Variants in MED26 observed in about 807,000 individuals in gnomAD.
MED26 encodes the protein mediator complex subunit 26.
A neutral mutation model predicts 43.7 loss-of-function variants in MED26; 7 were observed. The ratio of observed to expected loss-of-function variants is 0.16; its 90% CI spans 0.09 to 0.30. The LOEUF is 0.30. MED26 is among the 10% of genes least tolerant of loss of function. The pLI, the probability that MED26 is intolerant of heterozygous loss-of-function variation, is 1.00. For synonymous variants in MED26, 375 were observed against 371.1 expected, an observed-to-expected ratio of 1.01 and a Z score of -0.12; for missense variants, 784 against 840.6, an observed-to-expected ratio of 0.93 and a Z score of 0.83.
At chr19:16,595,360 C>T (rs2086115532) in intron 1 of MED26, among the ~76,000 whole-genome samples, 1 of 152,188 alleles carries the variant, frequency 6.6e-6, no homozygotes, top group South Asian at 2.1e-4. Flanking sequence ...CTTGATTGTG[C>T]ACGTGCTCTC....
intron 1 of MED26, chr19:16,624,330 T>C (rs946907405): frequency 6.6e-6 from 1 of 152,188 alleles, no homozygotes; most frequent in Non-Finnish European, 1.5e-5. Flanking sequence ...CTCTGCAGAG[T>C]GCCTCGGTCA....
intron 1 of MED26, among the ~76,000 whole-genome samples, chr19:16,591,048 AAAAT>A (rs10593029): frequency 0.4 from 56,426 of 142,300 alleles, 11,852 homozygotes; most frequent in Middle Eastern, 0.45. Flanking sequence ...AAAATAAAAT[AAAAT>A]AAATAAATAA....
chr19:16,580,154 G>C (rs1274407221), intron 1 of MED26, among the ~76,000 whole-genome samples: 1 of 152,342 alleles, frequency 6.6e-6, no homozygotes, highest in East Asian at 1.9e-4. Context: ...CCCCAGGGAG[G>C]CTGCTCTATT....
chr19:16,627,103 G>C (rs916618379), intron 1 of MED26, among the ~76,000 whole-genome samples: 1 of 152,102 alleles, frequency 6.6e-6, no homozygotes, highest in Non-Finnish European at 1.5e-5. Flanking sequence ...TACTGAAACA[G>C]AGCTCTTGGG....
chr19:16,577,190 TCTCGTCACG>T lies in MED26; in HGVS notation c.631_639del (p.Arg211_Glu213del), dbSNP rs768417394. 22 of 1,613,210 alleles carry T rather than the reference TCTCGTCACG, an allele frequency of 1.4e-5. No individual in the cohort carries two copies. The highest frequency in any genetic ancestry group is 1.9e-5 in the Non-Finnish European group (22 of 1,179,936). On this transcript the variant is annotated inframe_deletion, in exon 3 of 3. Transcript: ENST00000263390. The surrounding 1 kb of genome is among the most constrained non-coding windows in gnomAD (Gnocchi z 8.1). ...GGGATCTTGCCACTGTGCTTGTCAT[TCTCGTCACG>T]CTCCAGGCGGCTGCCCTCTGGGCCT...
chr19:16,622,498 T>C (rs938436579), intron 1 of MED26, among the ~76,000 whole-genome samples: 1 of 152,274 alleles, frequency 6.6e-6, no homozygotes, highest in Non-Finnish European at 1.5e-5. Context: ...TCGGTATGTC[T>C]TTCTTACTCA....
At chr19:16,620,453 C>G (rs2086246592) in intron 1 of MED26, among the ~76,000 whole-genome samples, 1 of 152,228 alleles carries the variant, frequency 6.6e-6, no homozygotes, top group African/African-American at 2.4e-5. Context: ...AGGACCTGCT[C>G]AGTAACGCTG....
chr19:16,619,669 A>T (rs1026493898), intron 1 of MED26, among the ~76,000 whole-genome samples: 17 of 151,928 alleles, frequency 1.1e-4, no homozygotes, highest in Admixed American at 8.5e-4. Context: ...GCCATGGGTC[A>T]CACCCACCTG....
chr19:16,615,411 T>G (rs1254055178), intron 1 of MED26, among the ~76,000 whole-genome samples: 3 of 151,930 alleles, frequency 2.0e-5, no homozygotes, highest in Non-Finnish European at 4.4e-5. Context: ...CTCAAATGGG[T>G]TTTATCAAGA....
At position 16,590,093 on chromosome 19, in the gene MED26, G is replaced by A. The variant is rs549099860; in HGVS notation, c.73-11684C>T. 3.9e-5 allele frequency among the ~76,000 whole-genome samples: 6 copies of A among 152,334 alleles called. No individual in the cohort carries two copies. The East Asian group carries it at 7.7e-4, about 20-fold the overall frequency. On this transcript the variant is annotated intron_variant, in intron 1 of 2. Transcript: ENST00000263390. ...GACAAGGGCACTCTGAAGCTTCCCC[G>A]GCAGGAGTACTCAACAGATGAGTGT...
intron 1 of MED26, among the ~76,000 whole-genome samples, chr19:16,604,764 C>T (rs145706620): frequency 3.5e-4 from 54 of 152,274 alleles, no homozygotes; most frequent in African/African-American, 1.1e-3. Flanking sequence ...CACAGTCACC[C>T]TAGCTACAGG....
chr19:16,618,250 C>T (rs1039051957), intron 1 of MED26, among the ~76,000 whole-genome samples: 3 of 152,188 alleles, frequency 2.0e-5, no homozygotes, highest in African/African-American at 7.2e-5. Flanking sequence ...CTCATGACCA[C>T]AGGAGGCCTG....
At chr19:16,613,522 C>T (rs776256001) in intron 1 of MED26, among the ~76,000 whole-genome samples, 6 of 152,122 alleles carry the variant, frequency 3.9e-5, no homozygotes, top group African/African-American at 9.7e-5. Context: ...CTACCCAAGG[C>T]GCTTGACGGG....
intron 1 of MED26, among the ~76,000 whole-genome samples, chr19:16,584,435 G>A (rs1431079332): frequency 6.6e-6 from 1 of 152,210 alleles, no homozygotes; most frequent in Non-Finnish European, 1.5e-5. Flanking sequence ...GGTGACATGT[G>A]CTGTTCAGCT....
intron 1 of MED26, among the ~76,000 whole-genome samples, chr19:16,592,658 T>G (rs1277712038): frequency 6.6e-6 from 1 of 152,172 alleles, no homozygotes; most frequent in Non-Finnish European, 1.5e-5. Context: ...CTTCATCCAC[T>G]TGGCTCCCAG....
rs1293655480 is a variant in MED26, at chr19:16,586,463, G to A, written c.73-8054C>T. ...TGTGGTGATGTCGGCACTCTGTAAA[G>A]ACTCTCCTGACGTGCTCCTGCAGTG... is the stretch of plus-strand genomic sequence containing the variant. On this transcript the variant is annotated intron_variant, in intron 1 of 2. Transcript: ENST00000263390. The surrounding 1 kb of genome is among the most constrained non-coding windows in gnomAD (Gnocchi z 5.1). 6.6e-6 allele frequency among the ~76,000 whole-genome samples: 1 copy of A among 152,244 alleles called. No homozygotes were observed. Among genetic ancestry groups the A allele is most frequent in the East Asian group, 1.9e-4 (1 of 5,204 alleles).
At chr19:16,627,776 C>T (rs1320432572) in intron 1 of MED26, 96 bp downstream of exon 1, 9 of 860,792 alleles carry the variant, frequency 1.0e-5, no homozygotes, top group African/African-American at 1.8e-5. Flanking sequence ...GGGCGCCAGA[C>T]GGGTCCCCCG....
At chr19:16,606,356 G>T (rs1383764148) in intron 1 of MED26, among the ~76,000 whole-genome samples, 1 of 152,140 alleles carries the variant, frequency 6.6e-6, no homozygotes, top group East Asian at 1.9e-4. Context: ...TTCAAGACCA[G>T]CCTGGCCAAC....
chr19:16,599,651 G>A (rs181667101), intron 1 of MED26, among the ~76,000 whole-genome samples: 1 of 152,220 alleles, frequency 6.6e-6, no homozygotes, highest in Admixed American at 6.5e-5. Flanking sequence ...TCACTGTTGC[G>A]CCCCCTCCCT....
Sources: gnomAD v4.1 joint callset for allele counts (sites outside exome capture counted in the v4.1 genomes callset) on GRCh38, gnomAD v4.1.1 for gene constraint, Gnocchi (gnomAD v3.1) non-coding constraint, MANE v1.5 for transcripts, NCBI Gene and HGNC (gene_info 2026-07-23, HGNC 2026-07-21) for gene names.